PRKCB: variants seen among roughly 807,000 people sequenced by gnomAD.
PRKCB encodes the protein protein kinase C beta, also known as protein kinase C beta type.
PRKCB carries 13 observed loss-of-function variants against 81.5 expected under a neutral mutation model. That is an observed-to-expected ratio of 0.16 (90% confidence interval 0.10 to 0.25). The LOEUF (loss-of-function observed/expected upper bound fraction) is 0.25. Among genes scored for constraint, PRKCB ranks in the 10% least tolerant of loss-of-function variants. The probability of loss-of-function intolerance (pLI) is 1.00; values close to 1 mark genes in which losing one functional copy is unlikely to be tolerated. For synonymous variants in PRKCB, 335 were observed against 321.4 expected (o/e 1.04, Z -0.45); for missense variants, 509 against 875.7 (o/e 0.58, Z 5.29).
At chr16:23,870,812 G>A (rs1335618922) in intron 2 of PRKCB, among the ~76,000 whole-genome samples, 1 of 152,102 alleles carries the variant, frequency 6.6e-6, no homozygotes, top group Non-Finnish European at 1.5e-5. Flanking sequence ...CCTCTAAACT[G>A]CACTCTAGTC....
intron 3 of PRKCB, among the ~76,000 whole-genome samples, chr16:24,008,205 C>A (rs571979422): frequency 6.6e-6 from 1 of 152,206 alleles, no homozygotes; most frequent in East Asian, 1.9e-4. Context: ...CAGCTCTAGG[C>A]CCTCTGGCCC....
chr16:24,192,736 T>C (rs1203261943), intron 16 of PRKCB, among the ~76,000 whole-genome samples: 1 of 152,174 alleles, frequency 6.6e-6, no homozygotes, highest in African/African-American at 2.4e-5. Context: ...GCCAGCGGTA[T>C]TGACATCTCC....
At chr16:23,928,925 G>A (rs958416906) in intron 2 of PRKCB, among the ~76,000 whole-genome samples, 1 of 151,974 alleles carries the variant, frequency 6.6e-6, no homozygotes, top group African/African-American at 2.4e-5. Context: ...TGCCATGTTG[G>A]CCAGGCTGTT....
At chr16:23,888,313 A>C (rs865873756) in intron 2 of PRKCB, among the ~76,000 whole-genome samples, 3 of 152,314 alleles carry the variant, frequency 2.0e-5, no homozygotes, top group Non-Finnish European at 2.9e-5. Context: ...GGCTCAGCTA[A>C]AGGAAGCTCC....
intron 5 of PRKCB, among the ~76,000 whole-genome samples, chr16:24,039,878 G>C (rs1567353488): frequency 6.6e-6 from 1 of 152,270 alleles, no homozygotes; most frequent in South Asian, 2.1e-4. Flanking sequence ...CCTTGGTCTT[G>C]GCAAGACAGA....
chr16:23,864,733 G>GTT (rs11321325), intron 2 of PRKCB, among the ~76,000 whole-genome samples: 7 of 151,528 alleles, frequency 4.6e-5, no homozygotes, highest in Non-Finnish European at 7.4e-5. Context: ...TTCTTTTTTT[G>GTT]TTTTTTTTAA....
chr16:23,903,957 A>G (rs1050066545), intron 2 of PRKCB, among the ~76,000 whole-genome samples: 3 of 152,330 alleles, frequency 2.0e-5, no homozygotes, highest in Middle Eastern at 6.8e-3. Context: ...ATATGTGTCG[A>G]CTAAATGAAT....
intron 8 of PRKCB, among the ~76,000 whole-genome samples, chr16:24,116,230 T>C (rs944688025): frequency 5.3e-5 from 8 of 152,034 alleles, no homozygotes; most frequent in Non-Finnish European, 1.0e-4. Flanking sequence ...AGAAACAAAC[T>C]ATCAAGTTTG....
Position 24,021,188 on chromosome 16 carries a change from CTCTTTCTTTCTTTCTTTCTTTCTTTCTT to C in PRKCB, c.289-10929_289-10902del, listed in dbSNP as rs58292773. Among the ~76,000 whole-genome samples the C allele has an allele frequency of 1.1e-3, 70 of 62,110 alleles. 1 individual carries two copies. The highest frequency in any genetic ancestry group is 1.7e-3 in the Non-Finnish European group (57 of 34,332). The allele number at this position is 62,110 out of a possible 152,430, so 40.7% of individuals were successfully genotyped here. A position where few individuals can be genotyped will look rare whatever the true frequency, so the allele number is the denominator to read the frequency against. On this transcript the variant is annotated intron_variant, in intron 3 of 16. Coordinates refer to ENST00000643927, the MANE Select transcript of PRKCB (RefSeq NM_002738.7). The stretch of plus-strand genomic sequence containing the variant: ...CTCTCTCCCTCCCTTCCCTTCCTTC[CTCTTTCTTTCTTTCTTTCTTTCTTTCTT>C]TCTTTCTTTCTTTCTTTCCTTCCTT...
chr16:24,122,172 G>A (rs893461829), intron 8 of PRKCB, among the ~76,000 whole-genome samples: 2 of 152,172 alleles, frequency 1.3e-5, no homozygotes, highest in South Asian at 2.1e-4. Flanking sequence ...CTTATCAGAG[G>A]TGAGAGAGTT....
chr16:24,150,237 A>T (rs1268214264), intron 9 of PRKCB, among the ~76,000 whole-genome samples: 3 of 152,202 alleles, frequency 2.0e-5, no homozygotes, highest in Non-Finnish European at 4.4e-5. Context: ...AGGTTGAGGC[A>T]AGAGAATTGC....
chr16:23,990,492 T>C (rs1448195013), intron 3 of PRKCB, among the ~76,000 whole-genome samples: 1 of 151,576 alleles, frequency 6.6e-6, no homozygotes, highest in African/African-American at 2.4e-5. Flanking sequence ...TTTTTTTTTT[T>C]TTTCTTTTTT....
chr16:24,067,962 G>A (rs199964441), intron 5 of PRKCB, among the ~76,000 whole-genome samples: 1 of 143,478 alleles, frequency 7.0e-6, no homozygotes, highest in Admixed American at 6.8e-5. Flanking sequence ...AAAAAAAAGA[G>A]AGAGAGAGAG....
chr16:24,172,634 T>C (rs1967460834), intron 11 of PRKCB, among the ~76,000 whole-genome samples: 1 of 152,000 alleles, frequency 6.6e-6, no homozygotes, highest in South Asian at 2.1e-4. Context: ...TCACTTGAGC[T>C]CAGGAGTTAG....
At chr16:23,902,768 T>C (rs1295429548) in intron 2 of PRKCB, among the ~76,000 whole-genome samples, 721 of 62,954 alleles carry the variant, frequency 0.011, 40 homozygotes, top group African/African-American at 0.048. Context: ...CTTCCTTCCT[T>C]CCTTCCTTCC....
chr16:24,089,289 TGTGGGG>T (rs1331923402), intron 5 of PRKCB, among the ~76,000 whole-genome samples: 1 of 152,190 alleles, frequency 6.6e-6, no homozygotes, highest in Admixed American at 6.5e-5. Context: ...AGAATCTATC[TGTGGGG>T]GTGGGTGCCA....
chr16:23,945,349 G>T (rs1964191017), intron 2 of PRKCB, among the ~76,000 whole-genome samples: 1 of 152,198 alleles, frequency 6.6e-6, no homozygotes, highest in Non-Finnish European at 1.5e-5. Context: ...GAAATAATGT[G>T]TGTGATCCTT....
In PRKCB at chr16:24,219,987, C is replaced by T. The variant is rs778710250; in HGVS notation, c.*5171C>T. 53 of 1,613,974 alleles carry T rather than the reference C, an allele frequency of 3.3e-5. No individual in the cohort carries two copies. The highest frequency in any genetic ancestry group is 1.8e-4 in the Admixed American group (11 of 59,990). ...GAGACAAGAGAGACACCTCCAACTT[C>T]GACAAAGAGTTCACCAGACAGCCTG... is the stretch of plus-strand genomic sequence containing the variant. On this transcript the variant is annotated 3_prime_UTR_variant, in exon 17 of 17. Transcript: ENST00000643927.
At chr16:23,932,420 A>G (rs78676882) in intron 2 of PRKCB, among the ~76,000 whole-genome samples, 6,143 of 152,268 alleles carry the variant, frequency 0.04, 424 homozygotes, top group African/African-American at 0.14. Context: ...GAACCTATGC[A>G]TTTCCTATTT....
Sources: allele counts gnomAD v4.1 joint callset (sites outside exome capture counted in the v4.1 genomes callset), GRCh38; gene constraint gnomAD v4.1.1; transcripts MANE v1.5; gene names NCBI Gene and HGNC (gene_info 2026-07-23, HGNC 2026-07-21).